CTIF: variants seen among roughly 807,000 people sequenced by gnomAD.
CTIF encodes cap binding complex dependent translation initiation factor.
CTIF carries 21 observed loss-of-function variants against 66.0 expected under a neutral mutation model. That is an observed-to-expected ratio of 0.32 (90% CI 0.23 to 0.46). The LOEUF (loss-of-function observed/expected upper bound fraction) is 0.46, where lower values mean the gene tolerates loss of function less well. CTIF is among the 20% of genes least tolerant of loss of function. The pLI is 1.00. For missense variants in CTIF, 739 were observed against 812.7 expected (o/e 0.91, Z 1.10); for synonymous variants, 345 against 326.4 (o/e 1.06, Z -0.62).
intron 10 of CTIF, among the ~76,000 whole-genome samples, chr18:48,854,262 C>G (rs924468443): frequency 6.6e-6 from 1 of 151,978 alleles, no homozygotes; most frequent in Non-Finnish European, 1.5e-5. Flanking sequence ...CTGGGGTGGT[C>G]AGGAAGGGTC....
chr18:48,635,775 T>C lies in CTIF; in HGVS notation c.181-839T>C, dbSNP rs142653658. Among the ~76,000 whole-genome samples, 38 of 152,332 alleles carry C rather than the reference T, an allele frequency of 2.5e-4. No homozygotes were observed. In the East Asian group the frequency reaches 5.4e-3, roughly 22 times the overall value. On this transcript the variant is annotated intron_variant, in intron 2 of 11. Coordinates refer to ENST00000256413, the MANE Select transcript of CTIF (RefSeq NM_014772.3). ...GAAGGGCTATATGACTGCTACTGCA[T>C]TGTATCTATACAGTGTTTTTATAGC...
chr18:48,557,163 C>G (rs1299634917), intron 1 of CTIF, among the ~76,000 whole-genome samples: 4 of 151,858 alleles, frequency 2.6e-5, no homozygotes, highest in Non-Finnish European at 5.9e-5. Flanking sequence ...GGGGTAGGGA[C>G]AGGAGGATGG....
intron 3 of CTIF, among the ~76,000 whole-genome samples, chr18:48,657,884 G>A (rs1428006690): frequency 3.9e-5 from 6 of 152,184 alleles, no homozygotes; most frequent in Non-Finnish European, 8.8e-5. Flanking sequence ...GATGAGCCGA[G>A]CTTGGGTCCC....
At chr18:48,796,339 A>G (rs1400265945) in intron 9 of CTIF, among the ~76,000 whole-genome samples, 1 of 150,084 alleles carries the variant, frequency 6.7e-6, no homozygotes, top group Non-Finnish European at 1.5e-5. Context: ...ATGTCCAGCT[A>G]ATTTTTTTTT....
intron 10 of CTIF, among the ~76,000 whole-genome samples, chr18:48,844,918 T>C (rs1038439381): frequency 6.6e-6 from 1 of 152,192 alleles, no homozygotes; most frequent in Non-Finnish European, 1.5e-5. Context: ...GGCAGATCTA[T>C]GTACTTGATC....
At chr18:48,811,129 G>C (rs2068250680) in intron 9 of CTIF, among the ~76,000 whole-genome samples, 1 of 151,936 alleles carries the variant, frequency 6.6e-6, no homozygotes, top group South Asian at 2.1e-4. Flanking sequence ...CTAATCTCTA[G>C]TAATTTAATC....
At chr18:48,644,481 G>T (rs1364799034) in intron 3 of CTIF, among the ~76,000 whole-genome samples, 2 of 152,214 alleles carry the variant, frequency 1.3e-5, no homozygotes, top group Non-Finnish European at 2.9e-5. Context: ...CACAACCTCT[G>T]TGCTCACCAG....
rs113665754 is a variant in CTIF, at chr18:48,730,496, T to C, written c.584+18801T>C. 1.9e-3 allele frequency among the ~76,000 whole-genome samples: 121 copies of C among 64,548 alleles called. 23 individuals are homozygous for C. The highest frequency in any genetic ancestry group is 4.0e-3 in the Admixed American group (27 of 6,790). 42.3% of individuals were successfully genotyped at this position (64,548 alleles called of 152,430 possible). On this transcript the variant is annotated intron_variant, in intron 7 of 11. Transcript: ENST00000256413. ...GGGCTTCCGCGGTGTGAGGGGCTTC[T>C]GCGGTGTGAGGGGCTTCTGCGGTGT...
intron 7 of CTIF, among the ~76,000 whole-genome samples, chr18:48,739,453 T>G (rs892011520): frequency 1.3e-5 from 2 of 151,866 alleles, no homozygotes; most frequent in East Asian, 1.9e-4. Flanking sequence ...CCTGGTGGGG[T>G]GTGGTGGGAC....
chr18:48,734,525 C>G (rs575169882), intron 7 of CTIF, among the ~76,000 whole-genome samples: 1 of 152,312 alleles, frequency 6.6e-6, no homozygotes, highest in South Asian at 2.1e-4. Context: ...AAGATTGCAC[C>G]ACTGCACTCT....
chr18:48,841,044 C>T (rs2068928456), intron 10 of CTIF, among the ~76,000 whole-genome samples: 1 of 152,158 alleles, frequency 6.6e-6, no homozygotes, highest in Non-Finnish European at 1.5e-5. Flanking sequence ...CCAGTGTGTC[C>T]CTTTTCTAAG....
chr18:48,619,388 C>A, intron 1 of CTIF, 150 bp from the exon 2 acceptor site: 1 of 514,652 alleles, frequency 1.9e-6, no homozygotes, highest in Non-Finnish European at 3.3e-6. Context: ...GGCAAGCCAG[C>A]CCCTCGCTGA....
chr18:48,664,391 C>T (rs1294394538), intron 4 of CTIF, 56 bp from the exon 5 acceptor site: 1 of 1,470,708 alleles, frequency 6.8e-7, no homozygotes. Context: ...CTGGTTCCGT[C>T]AGTAACTGGG....
intron 6 of CTIF, among the ~76,000 whole-genome samples, chr18:48,678,352 G>A (rs1338037214): frequency 3.9e-5 from 6 of 152,032 alleles, no homozygotes; most frequent in South Asian, 2.1e-4. Flanking sequence ...GGCCCAAGAC[G>A]CTGTAGCAGC....
At chr18:48,854,495 G>A (rs1049650261) in intron 10 of CTIF, among the ~76,000 whole-genome samples, 2 of 152,146 alleles carry the variant, frequency 1.3e-5, no homozygotes, top group African/African-American at 4.8e-5. Flanking sequence ...CCACTCTAGA[G>A]GCAAACGTGT....
intron 1 of CTIF, among the ~76,000 whole-genome samples, chr18:48,568,652 A>C (rs959973193): frequency 6.9e-6 from 1 of 145,312 alleles, no homozygotes; most frequent in Admixed American, 6.9e-5. Flanking sequence ...AAAAAAAAAA[A>C]AAAAAAAAAA....
intron 6 of CTIF, among the ~76,000 whole-genome samples, chr18:48,679,965 CTGTA>C (rs774771144): frequency 4.6e-5 from 7 of 152,186 alleles, no homozygotes; most frequent in African/African-American, 1.4e-4. Context: ...AGAGGGGAGA[CTGTA>C]TGTAGGGAGA....
intron 3 of CTIF, 144 bp from the exon 4 acceptor site, chr18:48,663,607 GT>G (rs2091383154): frequency 1.4e-6 from 1 of 713,412 alleles, no homozygotes; most frequent in Non-Finnish European, 2.5e-6. Flanking sequence ...CCCCCAGGCA[GT>G]CCCCTGACTC....
intron 3 of CTIF, among the ~76,000 whole-genome samples, chr18:48,648,181 G>A (rs2091086466): frequency 6.6e-6 from 1 of 152,140 alleles, no homozygotes; most frequent in Admixed American, 6.5e-5. Flanking sequence ...GTTGGCCTAG[G>A]AGAAATATAC....
Sources: allele counts gnomAD v4.1 joint callset (sites outside exome capture counted in the v4.1 genomes callset), GRCh38; gene constraint gnomAD v4.1.1; transcripts MANE v1.5; gene names NCBI Gene and HGNC (gene_info 2026-07-23, HGNC 2026-07-21).